SMOC2: variants seen among roughly 807,000 people sequenced by gnomAD.
SMOC2 encodes the protein SPARC related modular calcium binding 2.
In SMOC2, 39 loss-of-function variants were observed where a neutral mutation model predicts 61.4. The observed-to-expected ratio is 0.64, with a 90% CI of 0.49 to 0.83. The LOEUF (loss-of-function observed/expected upper bound fraction) is 0.83. SMOC2 is among the 40% of genes least tolerant of loss of function. The pLI, the probability that SMOC2 is intolerant of heterozygous loss-of-function variation, is 0.00. For synonymous variants in SMOC2, 247 were observed against 239.9 expected (o/e 1.03, Z -0.27); for missense variants, 556 against 592.9 (o/e 0.94, Z 0.65).
At chr6:168,523,043 G>A (rs1453226410) in intron 2 of SMOC2, among the ~76,000 whole-genome samples, 1 of 147,902 alleles carries the variant, frequency 6.8e-6, no homozygotes, top group East Asian at 2.1e-4. Context: ...AAATGGATAA[G>A]ATGGTAAATT....
intron 1 of SMOC2, among the ~76,000 whole-genome samples, chr6:168,494,676 A>G (rs990541543): frequency 6.6e-6 from 1 of 152,218 alleles, no homozygotes; most frequent in African/African-American, 2.4e-5. Flanking sequence ...AGGAGACGTG[A>G]ATGGAGAAAT....
At chr6:168,539,678 T>A (rs1456155687) in intron 4 of SMOC2, among the ~76,000 whole-genome samples, 2 of 152,230 alleles carry the variant, frequency 1.3e-5, no homozygotes, top group Non-Finnish European at 2.9e-5. Flanking sequence ...GGGGGGCACT[T>A]CCAGCATCTG....
At chr6:168,642,711 G>A (rs1289884193) in intron 9 of SMOC2, among the ~76,000 whole-genome samples, 1 of 152,192 alleles carries the variant, frequency 6.6e-6, no homozygotes, top group Non-Finnish European at 1.5e-5. Context: ...TATCAAAATA[G>A]ACTTTGTATA....
At chr6:168,599,759 A>AT (rs1785485025) in intron 8 of SMOC2, among the ~76,000 whole-genome samples, 1 of 56,828 alleles carries the variant, frequency 1.8e-5, no homozygotes, top group African/African-American at 7.5e-5. Context: ...CACTCATACA[A>AT]TCCCCCAAAC....
intron 7 of SMOC2, among the ~76,000 whole-genome samples, chr6:168,563,870 C>T (rs908104220): frequency 2.6e-5 from 4 of 151,908 alleles, no homozygotes; most frequent in Non-Finnish European, 2.9e-5. Context: ...GCTCGGTGTC[C>T]GTAGAGCAAG....
At chr6:168,546,400 C>A (rs146144503) in intron 5 of SMOC2, among the ~76,000 whole-genome samples, 116 of 152,182 alleles carry the variant, frequency 7.6e-4, no homozygotes, top group African/African-American at 2.7e-3. Context: ...CCATTTAAAA[C>A]CTCTTTCTTT....
chr6:168,512,312 G>C (rs546160913), intron 2 of SMOC2, among the ~76,000 whole-genome samples: 276 of 152,264 alleles, frequency 1.8e-3, no homozygotes, highest in African/African-American at 6.5e-3. Context: ...AGCTCACCAG[G>C]CTGCCCCATC....
At chr6:168,448,202 C>A (rs1047878357) in intron 1 of SMOC2, among the ~76,000 whole-genome samples, 1 of 152,206 alleles carries the variant, frequency 6.6e-6, no homozygotes, top group African/African-American at 2.4e-5. Context: ...GAGACTCTTT[C>A]AAATTCTCTG....
intron 4 of SMOC2, among the ~76,000 whole-genome samples, chr6:168,538,749 G>A (rs1403502592): frequency 7.1e-6 from 1 of 141,564 alleles, no homozygotes; most frequent in African/African-American, 2.7e-5. Flanking sequence ...TGGGGGAGTG[G>A]GGTGACCCCT....
intron 7 of SMOC2, among the ~76,000 whole-genome samples, chr6:168,591,651 A>G (rs978379724): frequency 2.0e-5 from 3 of 149,208 alleles, no homozygotes; most frequent in South Asian, 4.2e-4. Flanking sequence ...TATAAGTAAT[A>G]TAATACATAT....
intron 1 of SMOC2, among the ~76,000 whole-genome samples, chr6:168,459,924 C>T (rs62424585): frequency 1.7e-3 from 254 of 152,198 alleles, no homozygotes; most frequent in Non-Finnish European, 3.0e-3. Flanking sequence ...GACGCTGGCC[C>T]GATTCATTTT....
At chr6:168,481,948 T>C (rs1782216209) in intron 1 of SMOC2, among the ~76,000 whole-genome samples, 1 of 150,432 alleles carries the variant, frequency 6.6e-6, no homozygotes, top group Non-Finnish European at 1.5e-5. Flanking sequence ...TTTAAAAAAA[T>C]AAGAAAAAAA....
At chr6:168,562,106 A>G (rs371758603) in intron 7 of SMOC2, among the ~76,000 whole-genome samples, 224 of 2,914 alleles carry the variant, frequency 0.077, 4 homozygotes, top group South Asian at 0.11. Flanking sequence ...TCATTTTCAT[A>G]CCCTGAGACA....
intron 9 of SMOC2, among the ~76,000 whole-genome samples, chr6:168,620,244 G>T (rs977638766): frequency 6.6e-6 from 1 of 152,048 alleles, no homozygotes; most frequent in African/African-American, 2.4e-5. Flanking sequence ...TAAACCCAAC[G>T]CTGGCAGAAT....
At chr6:168,491,557 A>T (rs1782471843) in intron 1 of SMOC2, among the ~76,000 whole-genome samples, 1 of 152,220 alleles carries the variant, frequency 6.6e-6, no homozygotes, top group Admixed American at 6.5e-5. Context: ...AACTCCCACC[A>T]GTCAGCCAGA....
Position 168,650,704 on chromosome 6 carries a change from G to C in SMOC2, c.931G>C (p.Glu311Gln). 1 of 1,613,828 alleles carries C rather than the reference G, an allele frequency of 6.2e-7. No individual in the cohort carries two copies. Among genetic ancestry groups the C allele is most frequent in the Non-Finnish European group, 8.5e-7 (1 of 1,179,932 alleles). The change falls in exon 10 of 13, where the codon GAG (glutamate) becomes CAG (glutamine). Residue 311 changes from glutamate to glutamine, a missense_variant. Physicochemically the swap from Glu to Gln is conservative, Grantham distance 29. Transcript: ENST00000356284. Reference sequence around the variant, plus strand: ...AGGTTGTCCGGGTGCCAAAAAGCATGAGTTTCTGACCAGCGTTCTGGACGC... The same window carrying C: ...AGGTTGTCCGGGTGCCAAAAAGCATCAGTTTCTGACCAGCGTTCTGGACGC... ...LQGCPGAKKH[E>Q]FLTSVLDALS...
intron 7 of SMOC2, among the ~76,000 whole-genome samples, chr6:168,587,280 C>T (rs1325776479): frequency 6.6e-6 from 1 of 152,112 alleles, no homozygotes; most frequent in Admixed American, 6.5e-5. Context: ...GACAATTAGA[C>T]AGGTTTGACA....
intron 2 of SMOC2, among the ~76,000 whole-genome samples, chr6:168,510,665 C>G (rs1401010885): frequency 1.3e-5 from 2 of 152,100 alleles, no homozygotes; most frequent in South Asian, 4.1e-4. Context: ...ACTAAAGATG[C>G]CTTTGAGATG....
chr6:168,588,413 T>C (rs1002620708), intron 7 of SMOC2, among the ~76,000 whole-genome samples: 1 of 152,116 alleles, frequency 6.6e-6, no homozygotes, highest in African/African-American at 2.4e-5. Flanking sequence ...CGTGAGCCAC[T>C]GCACCCAGCT....
Sources: allele counts gnomAD v4.1 joint callset (sites outside exome capture counted in the v4.1 genomes callset), GRCh38; gene constraint gnomAD v4.1.1; transcripts MANE v1.5; gene names NCBI Gene and HGNC (gene_info 2026-07-23, HGNC 2026-07-21).